SPATA6L: variants seen among roughly 807,000 people sequenced by gnomAD.
SPATA6L encodes the protein spermatogenesis associated 6 like.
A neutral mutation model predicts 49.2 loss-of-function variants in SPATA6L; 68 were observed. That is an observed-to-expected ratio of 1.38 (90% CI 1.14 to 1.69). The LOEUF is 1.69. SPATA6L is among the 40% of genes most tolerant of loss of function. The probability of loss-of-function intolerance (pLI) is 0.00; values close to 1 mark genes in which losing one functional copy is unlikely to be tolerated. For synonymous variants in SPATA6L, 198 were observed against 165.7 expected (o/e 1.19, Z -1.50); for missense variants, 668 against 464.3 (o/e 1.44, Z -4.03).
intron 6 of SPATA6L, among the ~76,000 whole-genome samples, chr9:4,622,990 G>A (rs1222519090): frequency 6.6e-6 from 1 of 151,870 alleles, no homozygotes; most frequent in Non-Finnish European, 1.5e-5. Context: ...AAAGAATAAG[G>A]GTAGCTAGGC....
intron 2 of SPATA6L, among the ~76,000 whole-genome samples, chr9:4,658,238 A>T: frequency 6.6e-6 from 1 of 152,194 alleles, no homozygotes; most frequent in Non-Finnish European, 1.5e-5. Flanking sequence ...GGATTTTCTC[A>T]AGTATGATCT....
At position 4,642,737 on chromosome 9, in the gene SPATA6L, A is replaced by C. The variant is rs547462856; in HGVS notation, c.227-7338T>G. ...AAAGCACACACCATAAAACATCAAA[A>C]TAACACAACAAAACAGGGAAAATAT... is the stretch of plus-strand genomic sequence containing the variant. On this transcript the variant is annotated intron_variant, in intron 3 of 11. Transcript: ENST00000682582. Among the ~76,000 whole-genome samples, 3 of 152,296 alleles carry C rather than the reference A, an allele frequency of 2.0e-5. No individual in the cohort carries two copies. The South Asian group carries it at 6.2e-4, about 32-fold the overall frequency.
intron 3 of SPATA6L, among the ~76,000 whole-genome samples, chr9:4,639,768 G>C (rs1292395776): frequency 5.9e-5 from 9 of 152,330 alleles, no homozygotes. Context: ...GACTTTAAGA[G>C]AAATAACAAT....
At chr9:4,665,819 A>C (rs977368772) in intron 1 of SPATA6L, among the ~76,000 whole-genome samples, 4 of 152,260 alleles carry the variant, frequency 2.6e-5, no homozygotes, top group African/African-American at 9.6e-5. Flanking sequence ...GTTGGCAAAT[A>C]ATCAGGAAGT....
At chr9:4,616,457 T>C (rs895346808) in intron 9 of SPATA6L, among the ~76,000 whole-genome samples, 2 of 152,172 alleles carry the variant, frequency 1.3e-5, no homozygotes, top group Admixed American at 1.3e-4. Context: ...GATGACCTCC[T>C]GTGCTTTGCC....
intron 3 of SPATA6L, among the ~76,000 whole-genome samples, chr9:4,648,414 T>A (rs1462003352): frequency 6.6e-6 from 1 of 152,124 alleles, no homozygotes; most frequent in Non-Finnish European, 1.5e-5. Flanking sequence ...GATTATAAGT[T>A]CTTGGCTGGG....
intron 2 of SPATA6L, among the ~76,000 whole-genome samples, chr9:4,661,083 T>A (rs1306240284): frequency 6.6e-6 from 1 of 152,188 alleles, no homozygotes; most frequent in African/African-American, 2.4e-5. Flanking sequence ...GGCACATGTA[T>A]ACATATATAA....
intron 4 of SPATA6L, among the ~76,000 whole-genome samples, chr9:4,634,964 A>T (rs1832482292): frequency 1.3e-5 from 2 of 152,214 alleles, no homozygotes. Context: ...TCGCTACTCT[A>T]TTTAGTCATA....
At chr9:4,645,344 C>A (rs1157726754) in intron 3 of SPATA6L, among the ~76,000 whole-genome samples, 1 of 152,084 alleles carries the variant, frequency 6.6e-6, no homozygotes, top group Non-Finnish European at 1.5e-5. Context: ...TAACAGAATA[C>A]CTGAAACTGG....
At chr9:4,635,157 C>T (rs1832530276) in intron 4 of SPATA6L, 118 bp downstream of exon 4, 5 of 1,106,534 alleles carry the variant, frequency 4.5e-6, no homozygotes, top group Non-Finnish European at 6.1e-6. Context: ...AACAGAGCTA[C>T]TAAACAGAAC....
rs905629115 is a variant in SPATA6L, at chr9:4,632,034, C to CTTTTT, written c.352-2871_352-2867dup. 4.3e-4 allele frequency among the ~76,000 whole-genome samples: 49 copies of CTTTTT among 113,008 alleles called. 3 individuals are homozygous for CTTTTT. The highest frequency in any genetic ancestry group is 1.1e-3 in the African/African-American group (29 of 27,418). The allele number at this position is 113,008 out of a possible 152,430, so 74.1% of individuals were successfully genotyped here. On this transcript the variant is annotated intron_variant, in intron 4 of 11. Coordinates refer to ENST00000682582, the MANE Select transcript of SPATA6L (RefSeq NM_001353486.2). ...GTGAGCACACAGTGAACATCAGCTA[C>CTTTTT]TTTTTTTTTTTTTTTTTTTTTTTGA...
At chr9:4,616,357 C>T (rs79064573) in intron 9 of SPATA6L, among the ~76,000 whole-genome samples, 3,607 of 152,214 alleles carry the variant, frequency 0.024, 138 homozygotes, top group African/African-American at 0.082. Context: ...GACACATGAG[C>T]GCTAGAGCCC....
intron 3 of SPATA6L, among the ~76,000 whole-genome samples, chr9:4,643,373 A>T (rs532104037): frequency 6.6e-6 from 1 of 152,138 alleles, no homozygotes; most frequent in Non-Finnish European, 1.5e-5. Context: ...CATGCCATGC[A>T]CTCCTGGATG....
intron 3 of SPATA6L, among the ~76,000 whole-genome samples, chr9:4,648,713 AT>A (rs111731265): frequency 0.1 from 3,294 of 32,230 alleles, 134 homozygotes; most frequent in African/African-American, 0.45. Flanking sequence ...AAATAAATAA[AT>A]TAAATAAATA....
chr9:4,615,561 C>T (rs1214470319), intron 9 of SPATA6L, among the ~76,000 whole-genome samples: 1 of 152,198 alleles, frequency 6.6e-6, no homozygotes, highest in African/African-American at 2.4e-5. Context: ...CCATCTAACA[C>T]ATATTTAAAG....
At chr9:4,614,450 T>C (rs1827501078) in intron 9 of SPATA6L, among the ~76,000 whole-genome samples, 1 of 151,994 alleles carries the variant, frequency 6.6e-6, no homozygotes, top group African/African-American at 2.4e-5. Context: ...CTGATATTGC[T>C]GGTATGAAAA....
chr9:4,661,953 G>A lies in SPATA6L; in HGVS notation c.123C>T (p.Asn41=). The part of the protein sequence containing the change: ...VYLMNQYLET[N]SFPSAFPIMI... ...TAATGGGGAACGCAGAGGGAAAGCTGTTGGTCTCCAGGTACTGATTCATGA... is the reference window on the plus strand; with the variant it reads ...TAATGGGGAACGCAGAGGGAAAGCTATTGGTCTCCAGGTACTGATTCATGA... The change falls in exon 2 of 12, where the codon AAC becomes AAT. Residue 41 remains asparagine, a synonymous_variant. Transcript: ENST00000682582. 5.6e-6 allele frequency: 9 copies of A among 1,614,052 alleles called. No individual in the cohort carries two copies. Among genetic ancestry groups the A allele is most frequent in the Non-Finnish European group, 7.6e-6 (9 of 1,179,932 alleles).
At chr9:4,596,020 C>T (rs925044026), downstream of SPATA6L, among the ~76,000 whole-genome samples, 4 of 152,184 alleles carry the variant, frequency 2.6e-5, no homozygotes, top group African/African-American at 9.7e-5. Context: ...CAGCTCCCAT[C>T]ACTCACCATT....
chr9:4,658,939 C>T (rs898245160), intron 2 of SPATA6L, among the ~76,000 whole-genome samples: 1 of 116,324 alleles, frequency 8.6e-6, no homozygotes, highest in Admixed American at 9.6e-5. Context: ...GACAGAGCAA[C>T]ACTCTGTCTC....
Sources: allele counts gnomAD v4.1 joint callset (sites outside exome capture counted in the v4.1 genomes callset), GRCh38; gene constraint gnomAD v4.1.1; transcripts MANE v1.5; gene names NCBI Gene and HGNC (gene_info 2026-07-23, HGNC 2026-07-21).